Variants in DHRS7 observed in about 807,000 individuals in gnomAD.
DHRS7 encodes dehydrogenase/reductase SDR family member 7.
Under a neutral mutation model 38.9 loss-of-function variants are expected in DHRS7, and 34 were observed. That is an observed-to-expected ratio of 0.87 (90% CI 0.66 to 1.16). DHRS7 has a LOEUF of 1.16. Ranked by LOEUF, DHRS7 falls within the 50% of genes most tolerant of loss-of-function variation. The probability of loss-of-function intolerance (pLI) is 0.00; values close to 1 mark genes in which losing one functional copy is unlikely to be tolerated. For missense variants in DHRS7, 421 were observed against 407.0 expected (o/e 1.03, Z -0.30); for synonymous variants, 158 against 153.1 (o/e 1.03, Z -0.24).
At chr14:60,168,566 T>TA (rs1489612948), upstream of DHRS7, 2 of 1,173,564 alleles carry the variant, frequency 1.7e-6, no homozygotes. Context: ...TGTGAATCTA[T>TA]AATCATTTTA....
Position 60,154,042 on chromosome 14 carries a change from CTT to C in DHRS7, c.308_309del (p.Lys103ArgfsTer8). Reference protein sequence around the residue: ...RCLENGNLKEKDILVLPLDLT... With the variant: ...RCLENGNLKEXDILVLPLDLT... ...AGGTCAAGGGGCAAAACAAGTATAT[CTT>C]TTTCTTTTAAATTGCCATTCTCTAA... is the stretch of plus-strand genomic sequence containing the variant. On this transcript the variant is annotated frameshift_variant, in exon 3 of 7. Transcript: ENST00000557185. LOFTEE classifies it high-confidence loss of function. 1 of 1,613,810 alleles carries C rather than the reference CTT, an allele frequency of 6.2e-7. No individual in the cohort carries two copies. Among genetic ancestry groups the C allele is most frequent in the Non-Finnish European group, 8.5e-7 (1 of 1,179,800 alleles).
Position 60,153,278 on chromosome 14 carries a change from T to A in DHRS7, c.394-100A>T. The A allele has an allele frequency of 7.5e-7, 1 of 1,326,716 alleles. No individual in the cohort carries two copies. The highest frequency in any genetic ancestry group is 1.0e-6 in the Non-Finnish European group (1 of 959,454). 82.2% of individuals were successfully genotyped at this position (1,326,716 alleles called of 1,614,324 possible). On this transcript the variant is annotated intron_variant, in intron 3 of 6. Transcript: ENST00000557185. The surrounding 1 kb of genome is among the most constrained non-coding windows in gnomAD (Gnocchi z 4.4). Reference sequence around the variant, plus strand: ...TTGGTTATTTTGTTAACTTAAAGAATCAATGGAACAATGGTATATTTCCAG... The same window carrying A: ...TTGGTTATTTTGTTAACTTAAAGAAACAATGGAACAATGGTATATTTCCAG...
In DHRS7 at chr14:60,145,143, G is replaced by T; in HGVS notation, c.973-130C>A. ...TATTAAGAATCTTTACAAAAGTTCA[G>T]AAACTGCTTAAATTAGAATTTAAAA... is the stretch of plus-strand genomic sequence containing the variant. On this transcript the variant is annotated intron_variant, in intron 6 of 6. Transcript: ENST00000557185. This position sits in a 1 kb window ranked among gnomAD's most constrained non-coding sequence, Gnocchi z 4.0. 1.6e-6 allele frequency: 1 copy of T among 606,522 alleles called. No homozygotes were observed. Among genetic ancestry groups the T allele is most frequent in the East Asian group, 3.0e-5 (1 of 33,148 alleles). 37.6% of individuals were successfully genotyped at this position (606,522 alleles called of 1,614,324 possible). A position where few individuals can be genotyped will look rare whatever the true frequency, so the allele number is the denominator to read the frequency against.
chr14:60,149,679 G>T, intron 5 of DHRS7, 111 bp from the exon 6 acceptor site: 1 of 770,706 alleles, frequency 1.3e-6, no homozygotes, highest in Non-Finnish European at 2.1e-6. Flanking sequence ...GGAGCTTCAT[G>T]CCCCTTAGGA....
At chr14:60,163,876 A>G (rs1190800422) in intron 1 of DHRS7, among the ~76,000 whole-genome samples, 1 of 152,248 alleles carries the variant, frequency 6.6e-6, no homozygotes, top group African/African-American at 2.4e-5. Context: ...CAAGGCAGCC[A>G]ATGGCAGCCA....
In DHRS7 at chr14:60,155,103, T is replaced by G. The variant is rs921964589; in HGVS notation, c.286+897A>C. 2.0e-5 allele frequency among the ~76,000 whole-genome samples: 3 copies of G among 152,166 alleles called. No homozygotes were observed. In the South Asian group the frequency reaches 6.2e-4, roughly 32 times the overall value. On this transcript the variant is annotated intron_variant, in intron 2 of 6. Transcript: ENST00000557185. Reference sequence around the variant, plus strand: ...CAAAATTATCTCAGTTTAGGTACTATTAATAAATGTTCCATGAAAAATAAT... The same window carrying G: ...CAAAATTATCTCAGTTTAGGTACTAGTAATAAATGTTCCATGAAAAATAAT...
chr14:60,163,317 A>G (rs1896800814), intron 1 of DHRS7, among the ~76,000 whole-genome samples: 1 of 152,238 alleles, frequency 6.6e-6, no homozygotes, highest in African/African-American at 2.4e-5. Flanking sequence ...GTATTTGCTG[A>G]AAAACATTTT....
upstream of DHRS7, chr14:60,165,519 C>A: frequency 7.8e-7 from 1 of 1,284,512 alleles, no homozygotes; most frequent in East Asian, 3.3e-5. The surrounding 1 kb of genome is among the most constrained non-coding windows in gnomAD (Gnocchi z 4.6). Flanking sequence ...CGGCCCGCGC[C>A]CTCATGCGGC....
intron 5 of DHRS7, among the ~76,000 whole-genome samples, chr14:60,149,783 G>T (rs536684354): frequency 6.6e-6 from 1 of 151,708 alleles, no homozygotes; most frequent in Non-Finnish European, 1.5e-5. Flanking sequence ...TATAGTGCAG[G>T]CTAACTAAAA....
At chr14:60,149,963 C>T in intron 5 of DHRS7, 102 bp downstream of exon 5, 1 of 1,274,434 alleles carries the variant, frequency 7.8e-7, no homozygotes, top group South Asian at 1.7e-5. Flanking sequence ...CATAAAAGCA[C>T]TTCTAAGGCA....
At chr14:60,159,009 C>A in intron 1 of DHRS7, 1 of 412,298 alleles carries the variant, frequency 2.4e-6, no homozygotes, top group South Asian at 2.0e-5. Context: ...CCTCCCCATC[C>A]CTTCCTCTCC....
chr14:60,152,938 C>G lies in DHRS7; in HGVS notation c.633+1G>C. 6.2e-7 allele frequency: 1 copy of G among 1,614,026 alleles called. No individual in the cohort carries two copies. Among genetic ancestry groups the G allele is most frequent in the Non-Finnish European group, 8.5e-7 (1 of 1,179,948 alleles). Reference sequence around the variant, plus strand: ...TCAGAGTTGAGTTTGAGCAGCCTTACCCGGAGAGCATGCTTGCTAGCACAG... The same window carrying G: ...TCAGAGTTGAGTTTGAGCAGCCTTAGCCGGAGAGCATGCTTGCTAGCACAG... On this transcript the variant is annotated splice_donor_variant, in intron 4 of 6. Transcript: ENST00000557185. LOFTEE classifies it high-confidence loss of function.
rs1182086685 is a variant in DHRS7, at chr14:60,146,533, G to T, written c.973-1520C>A. The T allele has an allele frequency of 1.3e-5, 2 of 152,116 alleles. No individual in the cohort carries two copies. The highest frequency in any genetic ancestry group is 4.8e-5 in the African/African-American group (2 of 41,418). 9.4% of individuals were successfully genotyped at this position (152,116 alleles called of 1,614,324 possible). On this transcript the variant is annotated intron_variant, in intron 6 of 6. Coordinates refer to ENST00000557185, the MANE Select transcript of DHRS7 (RefSeq NM_016029.4). The surrounding 1 kb of genome is among the most constrained non-coding windows in gnomAD (Gnocchi z 4.9). ...TCTGATCCAGCAATTCCACTTAAGG[G>T]TATAAATCTAAAGGAAGTGAAATCA...
chr14:60,152,029 C>T (rs950846008), intron 4 of DHRS7, among the ~76,000 whole-genome samples: 1 of 152,204 alleles, frequency 6.6e-6, no homozygotes, highest in African/African-American at 2.4e-5. Context: ...TAGCATTCCG[C>T]TTCATCACTG....
intron 1 of DHRS7, among the ~76,000 whole-genome samples, chr14:60,158,169 G>T (rs1465738056): frequency 6.8e-6 from 1 of 146,330 alleles, no homozygotes; most frequent in Non-Finnish European, 1.5e-5. Flanking sequence ...GGAGGCAGAG[G>T]TTGCAGTGAG....
chr14:60,164,046 T>C (rs182591861), intron 1 of DHRS7, among the ~76,000 whole-genome samples: 11 of 152,256 alleles, frequency 7.2e-5, no homozygotes, highest in African/African-American at 2.6e-4. Flanking sequence ...GTTGTGTATT[T>C]TTCGTGAACT....
chr14:60,169,570 T>A (rs1390424048), upstream of DHRS7: 2 of 152,208 alleles, frequency 1.3e-5, no homozygotes, highest in African/African-American at 4.8e-5. Flanking sequence ...TGTGAAACCA[T>A]CACCACAATC....
In DHRS7 at chr14:60,165,068, G is replaced by T; in HGVS notation, c.133+109C>A. The T allele has an allele frequency of 7.1e-7, 1 of 1,412,714 alleles. No homozygotes were observed. Among genetic ancestry groups the T allele is most frequent in the Non-Finnish European group, 9.7e-7 (1 of 1,036,262 alleles). 87.5% of individuals were successfully genotyped at this position (1,412,714 alleles called of 1,614,324 possible). On this transcript the variant is annotated intron_variant, in intron 1 of 6. Coordinates refer to ENST00000557185, the MANE Select transcript of DHRS7 (RefSeq NM_016029.4). The surrounding 1 kb of genome is among the most constrained non-coding windows in gnomAD (Gnocchi z 4.6). ...CAGCCGGGCCTTCGGGAAGCTCCAC[G>T]CAACCCACAAAGGACCCGGGATCAC...
chr14:60,155,900 C>G, intron 2 of DHRS7, 100 bp downstream of exon 2: 2 of 1,213,446 alleles, frequency 1.6e-6, no homozygotes, highest in Non-Finnish European at 2.2e-6. Flanking sequence ...CATTTGGAGC[C>G]GGGGGGAAAT....
Sources: allele counts gnomAD v4.1 joint callset (sites outside exome capture counted in the v4.1 genomes callset), GRCh38; gene constraint gnomAD v4.1.1; non-coding constraint Gnocchi (gnomAD v3.1); transcripts MANE v1.5; gene names NCBI Gene and HGNC (gene_info 2026-07-23, HGNC 2026-07-21).